The following SLC26A5 variants were observed in gnomAD, a reference collection of about 807,000 sequenced individuals.
The protein encoded by SLC26A5 is prestin.
In SLC26A5, 51 loss-of-function variants were observed where a neutral mutation model predicts 81.0. The observed-to-expected ratio is 0.63, with a 90% confidence interval of 0.50 to 0.80. The LOEUF (loss-of-function observed/expected upper bound fraction) is 0.80. SLC26A5 is among the 30% of genes least tolerant of loss of function. SLC26A5 has a pLI of 0.00. For synonymous variants in SLC26A5, 325 were observed against 332.8 expected (o/e 0.98, Z 0.25); for missense variants, 771 against 905.8 (o/e 0.85, Z 1.91).
At chr7:103,390,346 T>C in intron 12 of SLC26A5, 83 bp downstream of exon 12, 1 of 1,244,806 alleles carries the variant, frequency 8.0e-7, no homozygotes, top group Non-Finnish European at 1.2e-6. Flanking sequence ...ATAACCCTAA[T>C]ATAGCCATAA....
At chr7:103,383,297 G>A (rs916235218) in intron 14 of SLC26A5, among the ~76,000 whole-genome samples, 1 of 152,216 alleles carries the variant, frequency 6.6e-6, no homozygotes, top group Non-Finnish European at 1.5e-5. Context: ...AGGAGTAGCT[G>A]AGATGGACAC....
chr7:103,434,245 A>G (rs1323826584), intron 2 of SLC26A5, among the ~76,000 whole-genome samples: 1 of 152,234 alleles, frequency 6.6e-6, no homozygotes, highest in African/African-American at 2.4e-5. Context: ...TACTGACAAT[A>G]TGATTCTAAG....
chr7:103,401,354 T>TGATTTG (rs1823573248), intron 8 of SLC26A5, among the ~76,000 whole-genome samples: 1 of 152,350 alleles, frequency 6.6e-6, no homozygotes, highest in Non-Finnish European at 1.5e-5. Context: ...AGTTTGCTCA[T>TGATTTG]GATTTGGCTC....
At chr7:103,423,975 G>A (rs1480917924) in intron 2 of SLC26A5, among the ~76,000 whole-genome samples, 7 of 152,242 alleles carry the variant, frequency 4.6e-5, no homozygotes, top group Non-Finnish European at 8.8e-5. Context: ...AAGAATGACT[G>A]GGCTGATGTA....
At chr7:103,409,432 TG>T (rs1221877763) in intron 7 of SLC26A5, among the ~76,000 whole-genome samples, 2 of 152,384 alleles carry the variant, frequency 1.3e-5, no homozygotes, top group South Asian at 2.1e-4. Flanking sequence ...CATTTAGAAA[TG>T]TTTTTTGGTT....
chr7:103,415,387 AT>A (rs1263927987), intron 4 of SLC26A5, among the ~76,000 whole-genome samples: 1 of 151,860 alleles, frequency 6.6e-6, no homozygotes, highest in Non-Finnish European at 1.5e-5. Flanking sequence ...ATTTACCTCC[AT>A]TTTCCTAAAT....
At chr7:103,393,949 T>A (rs781101375) in intron 9 of SLC26A5, among the ~76,000 whole-genome samples, 1 of 152,180 alleles carries the variant, frequency 6.6e-6, no homozygotes, top group Non-Finnish European at 1.5e-5. Context: ...CTGTGCCAGG[T>A]TCTATGCTCA....
intron 19 of SLC26A5, chr7:103,355,558 A>G (rs920828272): frequency 1.6e-6 from 1 of 619,576 alleles, no homozygotes; most frequent in Non-Finnish European, 2.8e-6. Flanking sequence ...GGATGCTACT[A>G]AACAGTCTAT....
At chr7:103,380,614 G>T in intron 14 of SLC26A5, 65 bp from the exon 15 acceptor site, 1 of 1,447,310 alleles carries the variant, frequency 6.9e-7, no homozygotes, top group South Asian at 1.1e-5. Flanking sequence ...ACAGGAGGTT[G>T]TGTATGTTTA....
intron 2 of SLC26A5, among the ~76,000 whole-genome samples, chr7:103,430,349 G>A (rs1321556029): frequency 1.3e-5 from 2 of 152,208 alleles, no homozygotes; most frequent in Non-Finnish European, 2.9e-5. Flanking sequence ...AAAGTGCTGG[G>A]ATTACAGGCG....
Position 103,420,930 on chromosome 7 carries a change from T to C in SLC26A5, c.153-53A>G, listed in dbSNP as rs1825297222. 6 of 1,556,310 alleles carry C rather than the reference T, an allele frequency of 3.9e-6. No homozygotes were observed. In the South Asian group the frequency reaches 5.6e-5, roughly 14 times the overall value. On this transcript the variant is annotated intron_variant, in intron 3 of 19. Coordinates refer to ENST00000306312, the MANE Select transcript of SLC26A5 (RefSeq NM_198999.3). ...AAGTTATAAATGAGAAACATCTCTGTAGAATTCAAACCAAAGCATTTTCCC... is the reference window on the plus strand; with the variant it reads ...AAGTTATAAATGAGAAACATCTCTGCAGAATTCAAACCAAAGCATTTTCCC...
At chr7:103,389,484 G>C (rs903749260) in intron 12 of SLC26A5, 60 bp from the exon 13 acceptor site, 2 of 1,209,192 alleles carry the variant, frequency 1.7e-6, no homozygotes, top group Non-Finnish European at 2.5e-6. Flanking sequence ...TCCTTTGCTG[G>C]TTCCTCACTG....
chr7:103,362,228 A>C (rs1022164477), intron 19 of SLC26A5: 12 of 1,455,362 alleles, frequency 8.2e-6, no homozygotes, highest in Middle Eastern at 2.3e-4. Flanking sequence ...TATAGTTGAA[A>C]ATTCTGTCTT....
chr7:103,361,254 C>T (rs565141685), intron 19 of SLC26A5, among the ~76,000 whole-genome samples: 8 of 151,226 alleles, frequency 5.3e-5, no homozygotes, highest in Admixed American at 1.3e-4. Context: ...GAAGCTGAGG[C>T]GGGCGGATCA....
At chr7:103,383,961 G>C (rs1438599838) in intron 14 of SLC26A5, among the ~76,000 whole-genome samples, 3 of 151,850 alleles carry the variant, frequency 2.0e-5, no homozygotes, top group Non-Finnish European at 4.4e-5. Context: ...GAGCATGATG[G>C]CGAGACCCCA....
chr7:103,358,722 T>C (rs1340747791), intron 19 of SLC26A5, among the ~76,000 whole-genome samples: 2 of 152,124 alleles, frequency 1.3e-5, no homozygotes, highest in African/African-American at 4.8e-5. Flanking sequence ...TTCTTATCTC[T>C]CTATGGTAAA....
chr7:103,363,775 G>A (rs1464127778), intron 19 of SLC26A5, among the ~76,000 whole-genome samples: 1 of 152,178 alleles, frequency 6.6e-6, no homozygotes, highest in Non-Finnish European at 1.5e-5. Flanking sequence ...GGCTTAAATT[G>A]AAGCAGGTTA....
chr7:103,410,319 T>C, intron 7 of SLC26A5, 66 bp downstream of exon 7: 1 of 1,341,518 alleles, frequency 7.5e-7, no homozygotes, highest in Non-Finnish European at 1.1e-6. Context: ...TAAAAAGAGA[T>C]ACAGAAGAGA....
chr7:103,421,242 A>G (rs539380078), intron 3 of SLC26A5, 121 bp downstream of exon 3: 11 of 1,133,296 alleles, frequency 9.7e-6, no homozygotes, highest in African/African-American at 9.2e-5. Context: ...TTTGCAAACC[A>G]TGATGGCTCA....
Sources: allele counts gnomAD v4.1 joint callset (sites outside exome capture counted in the v4.1 genomes callset), GRCh38; gene constraint gnomAD v4.1.1; transcripts MANE v1.5; gene names NCBI Gene and HGNC (gene_info 2026-07-23, HGNC 2026-07-21).